The following MEP1A variants were observed in gnomAD, a reference collection of about 807,000 sequenced individuals.
The protein encoded by MEP1A is N-benzoyl-L-tyrosyl-P-amino-benzoic acid hydrolase subunit alpha.
MEP1A carries 68 observed loss-of-function variants against 84.5 expected under a neutral mutation model. The observed-to-expected ratio is 0.80, with a 90% CI of 0.66 to 0.98. MEP1A has a LOEUF of 0.98. Among genes scored for constraint, MEP1A ranks in the 50% least tolerant of loss-of-function variants. The pLI, the probability that MEP1A is intolerant of heterozygous loss-of-function variation, is 0.00. For missense variants in MEP1A, 887 were observed against 919.9 expected, an observed-to-expected ratio of 0.96 and a Z score of 0.46; for synonymous variants, 337 against 336.8, an observed-to-expected ratio of 1.00 and a Z score of -0.01.
intron 7 of MEP1A, among the ~76,000 whole-genome samples, chr6:46,823,644 C>T (rs946929701): frequency 6.6e-6 from 1 of 152,030 alleles, no homozygotes; most frequent in African/African-American, 2.4e-5. Context: ...CAAAAAGTGA[C>T]TGGACAAGGA....
At chr6:46,815,743 C>T (rs920071171) in intron 6 of MEP1A, among the ~76,000 whole-genome samples, 2 of 152,066 alleles carry the variant, frequency 1.3e-5, no homozygotes, top group Non-Finnish European at 2.9e-5. Flanking sequence ...AATCCTGAGT[C>T]CTGACCGTGG....
At chr6:46,842,779 A>T (rs972534173), downstream of MEP1A, among the ~76,000 whole-genome samples, 1 of 152,130 alleles carries the variant, frequency 6.6e-6, no homozygotes, top group African/African-American at 2.4e-5. Flanking sequence ...TTTGCAGCTT[A>T]GGGGACATAA....
intron 5 of MEP1A, among the ~76,000 whole-genome samples, chr6:46,799,987 T>A (rs1374077637): frequency 6.6e-6 from 1 of 152,222 alleles, no homozygotes; most frequent in East Asian, 1.9e-4. Context: ...AGATGTAGAT[T>A]ATGTTTCAGT....
intron 3 of MEP1A, among the ~76,000 whole-genome samples, chr6:46,795,261 A>G (rs1767025519): frequency 1.3e-5 from 2 of 151,916 alleles, no homozygotes; most frequent in South Asian, 4.2e-4. Context: ...CTGTCAGCAA[A>G]TGTTATTCGA....
At chr6:46,829,027 A>G (rs894538751) in intron 9 of MEP1A, among the ~76,000 whole-genome samples, 2 of 152,206 alleles carry the variant, frequency 1.3e-5, no homozygotes, top group African/African-American at 2.4e-5. Flanking sequence ...AATGAAGTCA[A>G]TGAGAAAAAT....
intron 3 of MEP1A, 29 bp downstream of exon 3, chr6:46,793,745 C>A (rs375148467): frequency 4.7e-6 from 7 of 1,478,854 alleles, no homozygotes; most frequent in South Asian, 2.3e-5. Context: ...TTATTAAAGT[C>A]TTGAAATTAC....
chr6:46,821,761 G>T (rs1767780561), intron 7 of MEP1A, among the ~76,000 whole-genome samples: 1 of 152,148 alleles, frequency 6.6e-6, no homozygotes, highest in East Asian at 1.9e-4. Context: ...GTGCAGACTT[G>T]CTCAGCTCTG....
intron 6 of MEP1A, among the ~76,000 whole-genome samples, chr6:46,809,783 C>A (rs1767450087): frequency 6.6e-6 from 1 of 151,528 alleles, no homozygotes; most frequent in African/African-American, 2.4e-5. Context: ...CTTTTTATGG[C>A]TGAGTAGTAA....
At chr6:46,823,472 C>T (rs111766176) in intron 7 of MEP1A, among the ~76,000 whole-genome samples, 3,234 of 152,246 alleles carry the variant, frequency 0.021, 54 homozygotes, top group Middle Eastern at 0.092. Flanking sequence ...ATTAGCCAGG[C>T]GTGGTGCCAC....
chr6:46,807,512 T>G (rs112366547), intron 5 of MEP1A, among the ~76,000 whole-genome samples: 828 of 49,762 alleles, frequency 0.017, 171 homozygotes, highest in African/African-American at 0.028. Flanking sequence ...CCATCTGAAA[T>G]AAAGAAAGAA....
chr6:46,815,614 C>G (rs1413883290), intron 6 of MEP1A, among the ~76,000 whole-genome samples: 1 of 152,102 alleles, frequency 6.6e-6, no homozygotes, highest in Admixed American at 6.5e-5. Context: ...TATGGATTGT[C>G]TTGGCTTTCC....
At chr6:46,843,449 G>A (rs1768367029), downstream of MEP1A, among the ~76,000 whole-genome samples, 1 of 152,178 alleles carries the variant, frequency 6.6e-6, no homozygotes, top group Admixed American at 6.5e-5. Context: ...CTTGATAATT[G>A]TATTTAACCA....
In MEP1A at chr6:46,826,403, C is replaced by T; in HGVS notation, c.828C>T (p.Ile276=). 1 of 1,610,320 alleles carries T rather than the reference C, an allele frequency of 6.2e-7. No homozygotes were observed. Among genetic ancestry groups the T allele is most frequent in the East Asian group, 2.2e-5 (1 of 44,832 alleles). Residue 276 remains isoleucine, a synonymous_variant, in exon 9 of 14, where the codon ATC becomes ATT. Coordinates refer to ENST00000230588, the MANE Select transcript of MEP1A (RefSeq NM_005588.3). ...ACTGTACTTTTGAGAAGGCAAACAT[C>T]TGTGGAATGATTCAGGGCACCAGAG... ...LDHCTFEKAN[I]CGMIQGTRDD...
intron 6 of MEP1A, 80 bp from the exon 7 acceptor site, chr6:46,819,449 A>T: frequency 1.7e-6 from 2 of 1,158,688 alleles, no homozygotes; most frequent in Non-Finnish European, 2.4e-6. Flanking sequence ...ATTTCCTCCT[A>T]ATTTGTGTTT....
intron 13 of MEP1A, among the ~76,000 whole-genome samples, chr6:46,836,969 G>A (rs1185700022): frequency 6.6e-6 from 1 of 152,064 alleles, no homozygotes; most frequent in African/African-American, 2.4e-5. Flanking sequence ...CCAACAGCAT[G>A]TCCACCAGGC....
intron 3 of MEP1A, among the ~76,000 whole-genome samples, chr6:46,797,277 G>A (rs1414692934): frequency 6.6e-6 from 1 of 152,222 alleles, no homozygotes; most frequent in African/African-American, 2.4e-5. Context: ...GTACAATCCA[G>A]TGATTCTGTC....
chr6:46,831,406 G>A (rs1291005570), intron 10 of MEP1A, among the ~76,000 whole-genome samples: 2 of 151,972 alleles, frequency 1.3e-5, no homozygotes, highest in African/African-American at 4.8e-5. Flanking sequence ...ACACACACAT[G>A]CACACACACA....
intron 10 of MEP1A, among the ~76,000 whole-genome samples, chr6:46,830,603 G>C (rs1397685375): frequency 1.3e-5 from 2 of 152,192 alleles, no homozygotes; most frequent in African/African-American, 4.8e-5. Context: ...TTTATGGCCA[G>C]ATTATCCTAG....
downstream of MEP1A, among the ~76,000 whole-genome samples, chr6:46,840,155 G>A (rs560761760): frequency 4.9e-4 from 74 of 152,084 alleles, no homozygotes; most frequent in Non-Finnish European, 8.4e-4. Flanking sequence ...GGTTTCCTAA[G>A]TAGAGACTTT....
Sources: allele counts gnomAD v4.1 joint callset (sites outside exome capture counted in the v4.1 genomes callset), GRCh38; gene constraint gnomAD v4.1.1; transcripts MANE v1.5; gene names NCBI Gene and HGNC (gene_info 2026-07-23, HGNC 2026-07-21).